The following CCDC88B variants were observed in gnomAD, a reference collection of about 807,000 sequenced individuals.
CCDC88B encodes coiled-coil and HOOK domain protein 88B.
In CCDC88B, 138 loss-of-function variants were observed where a neutral mutation model predicts 183.7. The ratio of observed to expected loss-of-function variants is 0.75; its 90% CI spans 0.65 to 0.87. CCDC88B has a LOEUF of 0.87. Among genes scored for constraint, CCDC88B ranks in the 40% least tolerant of loss-of-function variants. CCDC88B has a pLI of 0.00. For missense variants in CCDC88B, 1,822 were observed against 1,965.6 expected (o/e 0.93, Z 1.38); for synonymous variants, 835 against 867.5 (o/e 0.96, Z 0.66).
chr11:64,351,509 CAGGGGCAGCTGCAGCACCTGG>C lies in CCDC88B; in HGVS notation c.3004_3024del (p.Gln1002_Leu1008del), dbSNP rs1251962463. 5 of 1,585,320 alleles carry C rather than the reference CAGGGGCAGCTGCAGCACCTGG, an allele frequency of 3.2e-6. No homozygotes were observed. The highest frequency in any genetic ancestry group is 3.4e-5 in the Admixed American group (2 of 58,186). ...GCTGGTGGCAGAGAAGGCAGCTTTG[CAGGGGCAGCTGCAGCACCTGG>C]AGGGGCAGCTGGGGAGCCTGCAGGG... On this transcript the variant is annotated inframe_deletion, in exon 18 of 27. Transcript: ENST00000356786.
rs746635480 is a variant in CCDC88B, at chr11:64,352,268, GC to G, written c.3241del (p.Leu1081TrpfsTer12). ...GCAGGCCCTGCTTCGGGACCACAAG[GC>G]CCTGGCACAGCTGCAGCGGCGGCAG... ...QQQALLRDHK[A>X]LAQLQRRQEA... On this transcript the variant is annotated frameshift_variant, in exon 19 of 27. Coordinates refer to ENST00000356786, the MANE Select transcript of CCDC88B (RefSeq NM_032251.6). LOFTEE classifies it high-confidence loss of function. 4.4e-6 allele frequency: 7 copies of G among 1,598,740 alleles called. No individual in the cohort carries two copies. Among genetic ancestry groups the G allele is most frequent in the Non-Finnish European group, 6.0e-6 (7 of 1,173,272 alleles).
At chr11:64,345,292 CCCCTG>C (rs2036065134) in intron 14 of CCDC88B, 135 bp downstream of exon 14, 1 of 1,021,802 alleles carries the variant, frequency 9.8e-7, no homozygotes, top group Non-Finnish European at 1.4e-6. Flanking sequence ...GCCAAGTCCA[CCCCTG>C]CCTTCCAAAG....
intron 14 of CCDC88B, chr11:64,348,978 C>G (rs2036220467): frequency 1.4e-6 from 1 of 717,608 alleles, no homozygotes; most frequent in Non-Finnish European, 2.6e-6. Context: ...GTCTCGCTGT[C>G]ACATGGCTGG....
In CCDC88B at chr11:64,343,469, G is replaced by T. The variant is rs777439008; in HGVS notation, c.1210-38G>T. Reference sequence around the variant, plus strand: ...CGACCTACACACTCGGCCTGGCCATGGTGTGGAGGGCTTGTCTGACCCTTC... The same window carrying T: ...CGACCTACACACTCGGCCTGGCCATTGTGTGGAGGGCTTGTCTGACCCTTC... On this transcript the variant is annotated intron_variant, in intron 11 of 26. Transcript: ENST00000356786. 5.8e-5 allele frequency: 89 copies of T among 1,540,482 alleles called. 1 individual carries two copies. In the South Asian group the frequency reaches 6.4e-4, roughly 11 times the overall value.
At chr11:64,355,762 G>A in intron 26 of CCDC88B, 134 bp downstream of exon 26, 1 of 805,902 alleles carries the variant, frequency 1.2e-6, no homozygotes, top group African/African-American at 1.7e-5. Context: ...AGGGGACACA[G>A]CAGGGAACGT....
chr11:64,353,596 C>T (rs1045247445), intron 22 of CCDC88B, 100 bp downstream of exon 22: 4 of 1,575,622 alleles, frequency 2.5e-6, no homozygotes, highest in Non-Finnish European at 1.7e-6. Flanking sequence ...TGGAGCTGAC[C>T]TTCCAGGTCA....
At position 64,345,023 on chromosome 11, in the gene CCDC88B, T is replaced by C. The variant is rs765855669; in HGVS notation, c.2482T>C (p.Trp828Arg). ...AGCAGCGGGCCGGGAGCGGAGGCAG[T>C]GGGAGCGTGAGGGGTCCAGGCTGCG... The part of the protein sequence containing the change: ...LAAAGRERRQ[W>R]EREGSRLRAQ... Residue 828 changes from tryptophan to arginine, a missense_variant, in exon 14 of 27, where the codon TGG becomes CGG. By Grantham distance (101) the Trp-to-Arg change is moderately radical. Coordinates refer to ENST00000356786, the MANE Select transcript of CCDC88B (RefSeq NM_032251.6). 1 of 1,547,360 alleles carries C rather than the reference T, an allele frequency of 6.5e-7. No homozygotes were observed. Among genetic ancestry groups the C allele is most frequent in the African/African-American group, 1.4e-5 (1 of 73,314 alleles).
rs753176045 is a variant in CCDC88B at position 64,344,412 on chromosome 11, C to T, written c.1871C>T (p.Thr624Ile). 57 of 1,589,596 alleles carry T rather than the reference C, an allele frequency of 3.6e-5. 2 individuals are homozygous for T. Among genetic ancestry groups the T allele is most frequent in the Admixed American group, 7.2e-5 (4 of 55,302 alleles). The change falls in exon 14 of 27, where the codon ACA (threonine) becomes ATA (isoleucine). Residue 624 changes from threonine (T) to isoleucine (I), a missense_variant. Thr to Ile is a moderately conservative substitution (Grantham distance 89, BLOSUM62 -1). Transcript: ENST00000356786. The surrounding 1 kb of genome is among the most constrained non-coding windows in gnomAD (Gnocchi z 4.5). ...GCCCCGCAGTTGCTGGGAGGAGAGACAGAGGGAAGAGAGGCTCCCCAAGGC... is the reference window on the plus strand; with the variant it reads ...GCCCCGCAGTTGCTGGGAGGAGAGATAGAGGGAAGAGAGGCTCCCCAAGGC... ...IQAPQLLGGE[T>I]EGREAPQGEL...
At position 64,341,251 on chromosome 11, in the gene CCDC88B, T is replaced by C. The variant is rs1453837111; in HGVS notation, c.389-19T>C. On this transcript the variant is annotated intron_variant, in intron 4 of 26. Transcript: ENST00000356786. ...ACCTTCCCCGCCCCAGTTAACCCCT[T>C]GTGGCATGTGCCTTGCAGAAGAAGC... 2.5e-6 allele frequency: 4 copies of C among 1,614,078 alleles called. No homozygotes were observed. Among genetic ancestry groups the C allele is most frequent in the Middle Eastern group, 1.6e-4 (1 of 6,062 alleles).
rs888119792 is a variant in CCDC88B at position 64,353,151 on chromosome 11, C to T, written c.3598C>T (p.Arg1200Trp). Residue 1200 changes from arginine (R) to tryptophan (W), a missense_variant, in exon 21 of 27, where the codon CGG (arginine) becomes TGG (tryptophan). Physicochemically the swap from Arg to Trp is moderately radical, Grantham distance 101. Coordinates refer to ENST00000356786, the MANE Select transcript of CCDC88B (RefSeq NM_032251.6). ...CCGGCTGGCGCGGCTGGAGCTGGAGCGGGCACAGCTGGAGATGCAGAGCCA... is the reference window on the plus strand; with the variant it reads ...CCGGCTGGCGCGGCTGGAGCTGGAGTGGGCACAGCTGGAGATGCAGAGCCA... The part of the protein sequence containing the change: ...RGRLARLELE[R>W]AQLEMQSQQL... 25 of 1,592,482 alleles carry T rather than the reference C, an allele frequency of 1.6e-5. No individual in the cohort carries two copies. Among genetic ancestry groups the T allele is most frequent in the Admixed American group, 3.5e-5 (2 of 56,770 alleles).
At position 64,344,717 on chromosome 11, in the gene CCDC88B, G is replaced by A; in HGVS notation, c.2176G>A (p.Glu726Lys). ...GGAGAGCCTGGCCAGTGGTGTCGCA[G>A]AGCAGGAGGCCCTCAGGGAGGAGGT... ...PGESLASGVA[E>K]QEALREEVAQ... The change falls in exon 14 of 27, where the codon GAG (glutamate) becomes AAG (lysine). Residue 726 changes from glutamate (E) to lysine (K), a missense_variant. By Grantham distance (56) the Glu-to-Lys change is moderately conservative. Transcript: ENST00000356786. The surrounding 1 kb of genome is among the most constrained non-coding windows in gnomAD (Gnocchi z 4.5). The A allele has an allele frequency of 6.2e-7, 1 of 1,614,152 alleles. No individual in the cohort carries two copies. Among genetic ancestry groups the A allele is most frequent in the East Asian group, 2.2e-5 (1 of 44,890 alleles).
Position 64,340,994 on chromosome 11 carries a change from G to C in CCDC88B, c.294G>C (p.Trp98Cys). 1.2e-6 allele frequency: 2 copies of C among 1,608,952 alleles called. No individual in the cohort carries two copies. The highest frequency in any genetic ancestry group is 1.7e-6 in the Non-Finnish European group (2 of 1,177,112). Residue 98 changes from tryptophan to cysteine, a missense_variant, in exon 3 of 27, where the codon TGG becomes TGC. Trp to Cys is a radical substitution (Grantham distance 215). Coordinates refer to ENST00000356786, the MANE Select transcript of CCDC88B (RefSeq NM_032251.6). ...GAGTGTGGAACCTGAACCACCTGTG[G>C]GGCCGACTGAGGGACTTCTACCAGG... is the stretch of plus-strand genomic sequence containing the variant. ...AWRVWNLNHLWGRLRDFYQEE... is the reference protein window; with the variant it reads ...AWRVWNLNHLCGRLRDFYQEE...
rs1565392555 is a variant in CCDC88B at position 64,340,979 on chromosome 11, C to G, written c.279C>G (p.Asn93Lys). Residue 93 changes from asparagine to lysine, a missense_variant, in exon 3 of 27, where the codon AAC becomes AAG. Asn to Lys is a moderately conservative substitution (Grantham distance 94). Transcript: ENST00000356786. ...GACCTGCTGCCTGGCGAGTGTGGAA[C>G]CTGAACCACCTGTGGGGCCGACTGA... The part of the protein sequence containing the change: ...LDGPAAWRVW[N>K]LNHLWGRLRD... 1.9e-6 allele frequency: 3 copies of G among 1,606,312 alleles called. No individual in the cohort carries two copies. The highest frequency in any genetic ancestry group is 2.2e-5 in the East Asian group (1 of 44,782).
chr11:64,341,543 CTGGGACG>C (rs2035853056), intron 6 of CCDC88B, 39 bp downstream of exon 6: 1 of 1,611,944 alleles, frequency 6.2e-7, no homozygotes, highest in South Asian at 1.1e-5. Flanking sequence ...GGTATGGCAC[CTGGGACG>C]CCCTTGCCAC....
At position 64,354,033 on chromosome 11, in the gene CCDC88B, A is replaced by G; in HGVS notation, c.3962A>G (p.Lys1321Arg). Residue 1321 changes from lysine to arginine, a missense_variant, in exon 24 of 27, where the codon AAG becomes AGG. Lys to Arg is a conservative substitution (Grantham distance 26). Transcript: ENST00000356786. Reference protein sequence around the residue: ...KKGSWLADKVKRLMRPRREGG... With the variant: ...KKGSWLADKVRRLMRPRREGG... ...GGCAGCTGGCTGGCAGACAAGGTGA[A>G]GAGGCTGATGCGGCCCCGGCGGGAG... 1 of 1,482,844 alleles carries G rather than the reference A, an allele frequency of 6.7e-7. No individual in the cohort carries two copies. The highest frequency in any genetic ancestry group is 9.0e-7 in the Non-Finnish European group (1 of 1,112,682). 91.9% of individuals were successfully genotyped at this position (1,482,844 alleles called of 1,614,324 possible).
In CCDC88B at chr11:64,355,389, C is replaced by T; in HGVS notation, c.4295C>T (p.Ser1432Phe). ...CCAGGCCCCCTGGGGGCGCCCGTCT[C>T]CCACAGCAAAGGTGAGGGACAAGGG... ...RHPGPLGAPV[S>F]HSKGPGVGWE... Residue 1432 changes from serine to phenylalanine, a missense_variant, in exon 25 of 27, where the codon TCC becomes TTC. Ser to Phe is a radical substitution (Grantham distance 155). Transcript: ENST00000356786. 1 of 1,591,296 alleles carries T rather than the reference C, an allele frequency of 6.3e-7. No individual in the cohort carries two copies. The highest frequency in any genetic ancestry group is 1.1e-5 in the South Asian group (1 of 88,208).
intron 20 of CCDC88B, 67 bp from the exon 21 acceptor site, chr11:64,352,987 C>A: frequency 1.3e-6 from 2 of 1,509,890 alleles, no homozygotes; most frequent in South Asian, 2.6e-5. Flanking sequence ...CCCGGCATAA[C>A]TTCTCTGGCC....
At chr11:64,353,966 C>T in intron 23 of CCDC88B, 38 bp from the exon 24 acceptor site, 5 of 1,540,068 alleles carry the variant, frequency 3.2e-6, no homozygotes, top group Non-Finnish European at 4.4e-6. Flanking sequence ...CCTCCCTCCT[C>T]CCTGTCCTGA....
In CCDC88B at chr11:64,344,921, C is replaced by T. The variant is rs199870720; in HGVS notation, c.2380C>T (p.Arg794Trp). ...CCAGGCCTGGGAGCAAGCCCGGCTG[C>T]GGGAGGCAGTGGAGGCTGCTGGCCA... is the stretch of plus-strand genomic sequence containing the variant. ...EAQAWEQARL[R>W]EAVEAAGQEL... Residue 794 changes from arginine (R) to tryptophan (W), a missense_variant, in exon 14 of 27, where the codon CGG becomes TGG. Arg to Trp is a moderately radical substitution (Grantham distance 101). Transcript: ENST00000356786. The surrounding 1 kb of genome is among the most constrained non-coding windows in gnomAD (Gnocchi z 4.5). 1,701 of 1,570,542 alleles carry T rather than the reference C, an allele frequency of 1.1e-3. 1 individual carries two copies. Among genetic ancestry groups the T allele is most frequent in the Non-Finnish European group, 1.4e-3 (1,568 of 1,158,200 alleles).
Sources: allele counts gnomAD v4.1 joint callset, GRCh38; gene constraint gnomAD v4.1.1; non-coding constraint Gnocchi (gnomAD v3.1); transcripts MANE v1.5; gene names NCBI Gene and HGNC (gene_info 2026-07-23, HGNC 2026-07-21).